The following TNRC18 variants were observed in gnomAD, a reference collection of about 807,000 sequenced individuals.
TNRC18 encodes the protein trinucleotide repeat-containing gene 18 protein.
Under a neutral mutation model 226.7 loss-of-function variants are expected in TNRC18, and 69 were observed. That is an observed-to-expected ratio of 0.30 (90% CI 0.25 to 0.37). The LOEUF (loss-of-function observed/expected upper bound fraction) is 0.37, where lower values mean the gene tolerates loss of function less well. Ranked by LOEUF, TNRC18 falls within the 10% of genes least tolerant of loss-of-function variation. The pLI, the probability that TNRC18 is intolerant of heterozygous loss-of-function variation, is 1.00. For missense variants in TNRC18, 4,754 were observed against 4,256.6 expected (o/e 1.12, Z -3.25); for synonymous variants, 2,449 against 1,927.6 (o/e 1.27, Z -7.09).
At chr7:5,375,700 C>CTGG (rs1794600952) in intron 9 of TNRC18, among the ~76,000 whole-genome samples, 1 of 152,166 alleles carries the variant, frequency 6.6e-6, no homozygotes, top group Admixed American at 6.5e-5. Flanking sequence ...GCTCAGGCAA[C>CTGG]AGCGGGAGCC....
intron 2 of TNRC18, among the ~76,000 whole-genome samples, chr7:5,405,564 G>A (rs186505378): frequency 4.1e-4 from 63 of 152,040 alleles, no homozygotes; most frequent in Non-Finnish European, 7.4e-4. Flanking sequence ...GCAAGACTCC[G>A]TCTCAAAAAA....
At chr7:5,317,760 CA>C (rs1377938009) in intron 24 of TNRC18, among the ~76,000 whole-genome samples, 3 of 150,370 alleles carry the variant, frequency 2.0e-5, no homozygotes, top group Admixed American at 2.0e-4. Context: ...GGCTGGAATG[CA>C]ATGGCGCAAT....
In TNRC18 at chr7:5,308,098, C is replaced by T. The variant is rs974180584; in HGVS notation, c.*8G>A. Reference sequence around the variant, plus strand: ...CGGGGCACAGGTGGCCCGCAGGGCCCGGCGGGCTCAGCAGAGCACGGGCAC... The same window carrying T: ...CGGGGCACAGGTGGCCCGCAGGGCCTGGCGGGCTCAGCAGAGCACGGGCAC... On this transcript the variant is annotated 3_prime_UTR_variant, in exon 30 of 30. Coordinates refer to ENST00000430969, the MANE Select transcript of TNRC18 (RefSeq NM_001080495.3). The T allele has an allele frequency of 8.4e-6, 13 of 1,546,462 alleles. No homozygotes were observed. The highest frequency in any genetic ancestry group is 2.4e-5 in the East Asian group (1 of 40,838).
chr7:5,409,154 C>T (rs1295296562), intron 2 of TNRC18, among the ~76,000 whole-genome samples: 1 of 104,690 alleles, frequency 9.6e-6, no homozygotes. Context: ...ATCCCATCTG[C>T]TTTTTCTTAA....
chr7:5,411,316 G>A (rs1781829538), intron 2 of TNRC18, among the ~76,000 whole-genome samples: 1 of 151,630 alleles, frequency 6.6e-6, no homozygotes, highest in Non-Finnish European at 1.5e-5. Flanking sequence ...TTCCTGAAAA[G>A]TAGCAGTCGA....
rs1465600243 is a variant in TNRC18 at position 5,320,367 on chromosome 7, G to C, written c.6696C>G (p.Ala2232=). The C allele has an allele frequency of 1.9e-6, 3 of 1,560,500 alleles. No individual in the cohort carries two copies. Among genetic ancestry groups the C allele is most frequent in the Non-Finnish European group, 2.6e-6 (3 of 1,152,218 alleles). ...RFLPQGTRIA[A]YWSQQYRCLY... ...GACAGCGGTACTGCTGGCTCCAGTA[G>C]GCTGCAATCCTGGTCCCTTGTGGCA... The change falls in exon 24 of 30, where the codon GCC becomes GCG. Residue 2232 remains alanine, a synonymous_variant. Coordinates refer to ENST00000430969, the MANE Select transcript of TNRC18 (RefSeq NM_001080495.3).
In TNRC18 at chr7:5,324,528, G is replaced by A. The variant is rs1417881010; in HGVS notation, c.6301-173C>T. 1.3e-5 allele frequency among the ~76,000 whole-genome samples: 2 copies of A among 152,098 alleles called. No individual in the cohort carries two copies. The highest frequency in any genetic ancestry group is 2.9e-5 in the Non-Finnish European group (2 of 68,014). ...CAGAGGCCAGGGGGAAGGTGAAATGGGCCCAAAACCCAGCTGGCCCATGCT... is the reference window on the plus strand; with the variant it reads ...CAGAGGCCAGGGGGAAGGTGAAATGAGCCCAAAACCCAGCTGGCCCATGCT... On this transcript the variant is annotated intron_variant, in intron 20 of 29. Transcript: ENST00000430969. The surrounding 1 kb of genome is among the most constrained non-coding windows in gnomAD (Gnocchi z 4.8).
At chr7:5,384,608 G>A (rs369412135) in intron 5 of TNRC18, among the ~76,000 whole-genome samples, 1 of 151,904 alleles carries the variant, frequency 6.6e-6, no homozygotes, top group African/African-American at 2.4e-5. Flanking sequence ...GTGACCGTGA[G>A]CCCCCAACAA....
intron 16 of TNRC18, 121 bp downstream of exon 16, chr7:5,356,795 A>G: frequency 7.4e-7 from 1 of 1,352,864 alleles, no homozygotes; most frequent in Non-Finnish European, 9.8e-7. Context: ...AGTGCGCCCC[A>G]GAGAGAGAGC....
chr7:5,344,478 G>C (rs993737582), intron 18 of TNRC18, among the ~76,000 whole-genome samples: 17 of 152,178 alleles, frequency 1.1e-4, no homozygotes, highest in African/African-American at 4.1e-4. Context: ...CGAGGAGGGG[G>C]AAGGCAGGGT....
In TNRC18 at chr7:5,315,998, G is replaced by A; in HGVS notation, c.6820C>T (p.Leu2274Phe). ...FDDGDTGRIP[L>F]SHIRLLPPDY... Reference sequence around the variant, plus strand: ...GGGGGCAGGAGGCGGATATGTGAGAGGGGGATCCTGCCCGTGTCTCCGTCG... The same window carrying A: ...GGGGGCAGGAGGCGGATATGTGAGAAGGGGATCCTGCCCGTGTCTCCGTCG... The change falls in exon 25 of 30, where the codon CTC becomes TTC. Residue 2274 changes from leucine (L) to phenylalanine (F), a missense_variant. Coordinates refer to ENST00000430969, the MANE Select transcript of TNRC18 (RefSeq NM_001080495.3). 1.2e-6 allele frequency: 2 copies of A among 1,603,490 alleles called. No homozygotes were observed. The highest frequency in any genetic ancestry group is 1.7e-6 in the Non-Finnish European group (2 of 1,175,236).
intron 21 of TNRC18, among the ~76,000 whole-genome samples, chr7:5,321,395 C>A (rs916555721): frequency 9.9e-5 from 15 of 152,238 alleles, no homozygotes; most frequent in Admixed American, 3.9e-4. Flanking sequence ...TACAGGGTGC[C>A]GTGGCCAGCC....
At chr7:5,422,812 C>T (rs1782660071) in intron 1 of TNRC18, 1 of 152,246 alleles carries the variant, frequency 6.6e-6, no homozygotes, top group Non-Finnish European at 1.5e-5. Flanking sequence ...ACCAGATTCG[C>T]GTTTACTTTG....
At chr7:5,419,608 C>G (rs1280987628) in intron 2 of TNRC18, among the ~76,000 whole-genome samples, 1 of 151,982 alleles carries the variant, frequency 6.6e-6, no homozygotes, top group Non-Finnish European at 1.5e-5. Context: ...CACTAGAGAA[C>G]AAACCCTTGC....
chr7:5,402,925 G>A (rs927354775), intron 2 of TNRC18, among the ~76,000 whole-genome samples: 2 of 151,894 alleles, frequency 1.3e-5, no homozygotes, highest in African/African-American at 4.8e-5. Context: ...GGGTGCCCAG[G>A]CCTTCCCTGC....
At chr7:5,352,763 C>A (rs549518019) in intron 16 of TNRC18, among the ~76,000 whole-genome samples, 23 of 152,386 alleles carry the variant, frequency 1.5e-4, no homozygotes, top group African/African-American at 5.5e-4. Context: ...AGACAACCAG[C>A]CAGCTTTGGG....
Position 5,310,606 on chromosome 7 carries a change from C to T in TNRC18, c.8389-1238G>A, listed in dbSNP as rs555080405. 1.2e-4 allele frequency among the ~76,000 whole-genome samples: 19 copies of T among 152,192 alleles called. No homozygotes were observed. The South Asian group carries it at 2.9e-3, about 23-fold the overall frequency. On this transcript the variant is annotated intron_variant, in intron 27 of 29. Transcript: ENST00000430969. ...TTGGAGTGTAGTGGCACAATCACAG[C>T]TCACTGCAGCCTTGACCTCCCAAGC...
chr7:5,370,456 C>G lies in TNRC18; in HGVS notation c.4138G>C (p.Glu1380Gln). Residue 1380 changes from glutamate to glutamine, a missense_variant, in exon 11 of 30, where the codon GAG becomes CAG. Coordinates refer to ENST00000430969, the MANE Select transcript of TNRC18 (RefSeq NM_001080495.3). ...KLEAAESLVL[E>Q]QSFLHGITLL... is the part of the protein sequence containing the mutation. ...GTGATGCCATGCAGGAAGCTCTGCT[C>G]CAAGACAAGGCTCTCGGCTGCTTCC... The G allele has an allele frequency of 6.4e-7, 1 of 1,570,876 alleles. No homozygotes were observed. Among genetic ancestry groups the G allele is most frequent in the Non-Finnish European group, 8.6e-7 (1 of 1,157,770 alleles).
Position 5,332,748 on chromosome 7 carries a change from G to A in TNRC18, c.6021C>T (p.Ala2007=). ...RRSERIFLHD[A]SAAAPAPVST... The stretch of plus-strand genomic sequence containing the variant: ...TGACGGGCGCAGGTGCAGCAGCCGA[G>A]GCGTCGTGCAGGAAGATGCGCTCGC... Residue 2007 remains alanine (A), a synonymous_variant, in exon 19 of 30, where the codon GCC becomes GCT. Transcript: ENST00000430969. The A allele has an allele frequency of 1.3e-6, 2 of 1,521,478 alleles. No homozygotes were observed. Among genetic ancestry groups the A allele is most frequent in the Non-Finnish European group, 8.8e-7 (1 of 1,140,156 alleles). 94.2% of individuals were successfully genotyped at this position (1,521,478 alleles called of 1,614,324 possible).
Sources: allele counts gnomAD v4.1 joint callset (sites outside exome capture counted in the v4.1 genomes callset), GRCh38; gene constraint gnomAD v4.1.1; non-coding constraint Gnocchi (gnomAD v3.1); transcripts MANE v1.5; gene names NCBI Gene and HGNC (gene_info 2026-07-23, HGNC 2026-07-21).